The following ZNF304 variants were observed in gnomAD, a reference collection of about 807,000 sequenced individuals.
ZNF304 encodes zinc finger protein 304.
In ZNF304, 7 loss-of-function variants were observed where a neutral mutation model predicts 7.8. The observed-to-expected ratio is 0.90, with a 90% CI of 0.51 to 1.69. The LOEUF (loss-of-function observed/expected upper bound fraction) is 1.69, where lower values mean the gene tolerates loss of function less well. Among genes scored for constraint, ZNF304 ranks in the 40% most tolerant of loss-of-function variants. The pLI is 0.00. For synonymous variants in ZNF304, 280 were observed against 272.4 expected, an observed-to-expected ratio of 1.03 and a Z score of -0.27; for missense variants, 669 against 804.8, an observed-to-expected ratio of 0.83 and a Z score of 2.04.
intron 2 of ZNF304, chr19:57,355,525 G>A (rs2088324349): frequency 1.6e-6 from 1 of 621,440 alleles, no homozygotes; most frequent in Non-Finnish European, 2.9e-6. Flanking sequence ...CCTCATTCTT[G>A]GCACTTTTTC....
At chr19:57,354,408 C>T (rs1244832774) in intron 2 of ZNF304, among the ~76,000 whole-genome samples, 1 of 152,214 alleles carries the variant, frequency 6.6e-6, no homozygotes. Context: ...CTTACAAGCT[C>T]ACTCACATTG....
intron 2 of ZNF304, 90 bp from the exon 3 acceptor site, chr19:57,355,940 C>T (rs150788879): frequency 2.1e-6 from 3 of 1,409,786 alleles, no homozygotes; most frequent in Non-Finnish European, 2.9e-6. Context: ...AGCCAGTGGA[C>T]TCGCACTGGT....
At chr19:57,353,910 C>A in intron 2 of ZNF304, 59 bp downstream of exon 2, 1 of 1,306,164 alleles carries the variant, frequency 7.7e-7, no homozygotes, top group Non-Finnish European at 1.0e-6. Context: ...AGCTTAGTAA[C>A]TGCAAACAAT....
chr19:57,356,089 G>A lies in ZNF304; in HGVS notation c.220G>A (p.Val74Met). 1 of 1,614,226 alleles carries A rather than the reference G, an allele frequency of 6.2e-7. No individual in the cohort carries two copies. Among genetic ancestry groups the A allele is most frequent in the East Asian group, 2.2e-5 (1 of 44,890 alleles). ...TGAGCAGAGCGTTTCTGTAGAAGGA[G>A]TGTCACAGGTCAGGACTGCTGAGTC... ...PSEQSVSVEG[V>M]SQVRTAESGL... is the part of the protein sequence containing the mutation. The change falls in exon 3 of 3, where the codon GTG (valine) becomes ATG (methionine). Residue 74 changes from valine (V) to methionine (M), a missense_variant. Transcript: ENST00000282286.
Position 57,356,519 on chromosome 19 carries a change from A to C in ZNF304, c.650A>C (p.Tyr217Ser). 1 of 1,614,216 alleles carries C rather than the reference A, an allele frequency of 6.2e-7. No homozygotes were observed. Among genetic ancestry groups the C allele is most frequent in the South Asian group, 1.1e-5 (1 of 91,086 alleles). ...SSSLRQHQGDYDGQMLFSCGD... is the reference protein window; with the variant it reads ...SSSLRQHQGDSDGQMLFSCGD... Reference sequence around the variant, plus strand: ...AGTCTCAGGCAACACCAAGGAGACTATGATGGACAGATGCTTTTCAGTTGC... The same window carrying C: ...AGTCTCAGGCAACACCAAGGAGACTCTGATGGACAGATGCTTTTCAGTTGC... The change falls in exon 3 of 3, where the codon TAT becomes TCT. Residue 217 changes from tyrosine (Y) to serine (S), a missense_variant. By Grantham distance (144) the Tyr-to-Ser change is moderately radical (BLOSUM62 -2). Coordinates refer to ENST00000282286, the MANE Select transcript of ZNF304 (RefSeq NM_020657.4).
In ZNF304 at chr19:57,356,724, A is replaced by G. The variant is rs2088346978; in HGVS notation, c.855A>G (p.Gly285=). 1 of 1,614,250 alleles carries G rather than the reference A, an allele frequency of 6.2e-7. No homozygotes were observed. The highest frequency in any genetic ancestry group is 1.1e-5 in the South Asian group (1 of 91,086). ...GEISHVCKEC[G]KAFIHLHHLK... ...TATCTCATGTGTGTAAGGAGTGTGG[A>G]AAAGCCTTCATTCACTTGCACCACC... is the stretch of plus-strand genomic sequence containing the variant. Residue 285 remains glycine (G), a synonymous_variant, in exon 3 of 3, where the codon GGA becomes GGG. Coordinates refer to ENST00000282286, the MANE Select transcript of ZNF304 (RefSeq NM_020657.4).
At chr19:57,352,624 CAG>C (rs1445096955) in intron 1 of ZNF304, 1 of 152,214 alleles carries the variant, frequency 6.6e-6, no homozygotes, top group Non-Finnish European at 1.5e-5. Context: ...TGATCTGACT[CAG>C]ATTTTAACAT....
chr19:57,353,700 G>T (rs2088302169), intron 1 of ZNF304, 25 bp from the exon 2 acceptor site: 2 of 1,587,554 alleles, frequency 1.3e-6, no homozygotes, highest in South Asian at 2.3e-5. Context: ...GCTGACTGTG[G>T]ACTCAGCTGT....
chr19:57,355,931 G>A, intron 2 of ZNF304, 99 bp from the exon 3 acceptor site: 1 of 1,345,956 alleles, frequency 7.4e-7, no homozygotes, highest in Non-Finnish European at 1.0e-6. Context: ...CTGCCAACAA[G>A]CCAGTGGACT....
intron 2 of ZNF304, 117 bp from the exon 3 acceptor site, chr19:57,355,913 C>G: frequency 8.3e-7 from 1 of 1,199,500 alleles, no homozygotes; most frequent in Non-Finnish European, 1.2e-6. Context: ...GATCCTGGCC[C>G]TCTTGTCCTG....
In ZNF304 at chr19:57,357,657, T is replaced by C. The variant is rs1393516990; in HGVS notation, c.1788T>C (p.Phe596=). ...AGTGCAGTGAATGTGGGAAATTCTT[T>C]AGCCGCAACTCTGGCCTCATTCTGC... ...PYECSECGKF[F]SRNSGLILHQ... is the part of the protein sequence containing the mutation. Residue 596 remains phenylalanine (F), a synonymous_variant, in exon 3 of 3, where the codon TTT becomes TTC. Coordinates refer to ENST00000282286, the MANE Select transcript of ZNF304 (RefSeq NM_020657.4). The C allele has an allele frequency of 2.5e-6, 4 of 1,614,044 alleles. No individual in the cohort carries two copies. Among genetic ancestry groups the C allele is most frequent in the South Asian group, 2.2e-5 (2 of 91,084 alleles).
rs148429268 is a variant in ZNF304, at chr19:57,356,909, G to C, written c.1040G>C (p.Ser347Thr). Residue 347 changes from serine (S) to threonine (T), a missense_variant, in exon 3 of 3, where the codon AGC becomes ACC. Physicochemically the swap from Ser to Thr is moderately conservative, Grantham distance 58. Coordinates refer to ENST00000282286, the MANE Select transcript of ZNF304 (RefSeq NM_020657.4). Reference protein sequence around the residue: ...CSECGKAYSRSSHLVQHQRIH... With the variant: ...CSECGKAYSRTSHLVQHQRIH... ...GAATGTGGAAAAGCCTACAGCAGAA[G>C]CTCCCACCTTGTTCAGCACCAGAGA... 6.2e-7 allele frequency: 1 copy of C among 1,614,066 alleles called. No individual in the cohort carries two copies. The highest frequency in any genetic ancestry group is 8.5e-7 in the Non-Finnish European group (1 of 1,180,004).
rs1054166128 is a variant in ZNF304, at chr19:57,357,906, G to A, written c.*57G>A. On this transcript the variant is annotated 3_prime_UTR_variant, in exon 3 of 3. Coordinates refer to ENST00000282286, the MANE Select transcript of ZNF304 (RefSeq NM_020657.4). ...ATGAATGCAGAAAATATGTCATCTT[G>A]TTCATCCTCATAGGACTCACACCAG... The A allele has an allele frequency of 3.9e-6, 6 of 1,537,362 alleles. No individual in the cohort carries two copies. The highest frequency in any genetic ancestry group is 1.8e-4 in the Middle Eastern group (1 of 5,692).
intron 2 of ZNF304, chr19:57,355,456 G>T: frequency 1.4e-6 from 1 of 709,206 alleles, no homozygotes; most frequent in African/African-American, 1.7e-5. Context: ...AACTTGTTTT[G>T]TGTTTGTCAG....
chr19:57,354,933 T>G (rs1168019582), intron 2 of ZNF304, among the ~76,000 whole-genome samples: 2 of 152,194 alleles, frequency 1.3e-5, no homozygotes, highest in Non-Finnish European at 2.9e-5. Context: ...CACTGGGTAA[T>G]CTGAACATCT....
At position 57,353,847 on chromosome 19, in the gene ZNF304, A is replaced by G. The variant is rs754076793; in HGVS notation, c.156A>G (p.Thr52=). The G allele has an allele frequency of 7.5e-6, 12 of 1,599,896 alleles. No homozygotes were observed. The highest frequency in any genetic ancestry group is 1.7e-4 in the Middle Eastern group (1 of 5,990). Residue 52 remains threonine (T), a synonymous_variant, in exon 2 of 3, where the codon ACA becomes ACG. Transcript: ENST00000282286. ...VMLENFALVA[T]LGFWCEAEHE... ...TGGAGAACTTTGCACTTGTGGCTAC[A>G]CTAGGTAAGTCTGTGTTTTAGTTAT...
intron 2 of ZNF304, 53 bp from the exon 3 acceptor site, chr19:57,355,977 G>A (rs2088329950): frequency 1.9e-6 from 3 of 1,552,182 alleles, no homozygotes; most frequent in Admixed American, 1.9e-5. Context: ...TGATGGGGCT[G>A]CTGCCTCCCA....
Position 57,357,137 on chromosome 19 carries a change from A to G in ZNF304, c.1268A>G (p.Glu423Gly), listed in dbSNP as rs779395749. 1.2e-6 allele frequency: 2 copies of G among 1,614,224 alleles called. No homozygotes were observed. The highest frequency in any genetic ancestry group is 2.2e-5 in the East Asian group (1 of 44,894). Residue 423 changes from glutamate to glycine, a missense_variant, in exon 3 of 3, where the codon GAA becomes GGA. Glu to Gly is a moderately conservative substitution (Grantham distance 98). Coordinates refer to ENST00000282286, the MANE Select transcript of ZNF304 (RefSeq NM_020657.4). ...HTGARPYECIECGKFFSHNSS... is the reference protein window; with the variant it reads ...HTGARPYECIGCGKFFSHNSS... ...GGGGCAAGGCCCTATGAATGCATAG[A>G]ATGTGGAAAATTCTTTAGCCATAAC...
rs908292562 is a variant in ZNF304, at chr19:57,351,997, C to T, written c.33+300C>T. 1.8e-5 allele frequency: 7 copies of T among 396,432 alleles called. No individual in the cohort carries two copies. The highest frequency in any genetic ancestry group is 2.7e-5 in the Non-Finnish European group (6 of 220,194). The allele number at this position is 396,432 out of a possible 1,614,324, so 24.6% of individuals were successfully genotyped here. A position where few individuals can be genotyped will look rare whatever the true frequency, so the allele number is the denominator to read the frequency against. On this transcript the variant is annotated intron_variant, in intron 1 of 2. Transcript: ENST00000282286. The surrounding 1 kb of genome is among the most constrained non-coding windows in gnomAD (Gnocchi z 4.1). ...CCGCCCGAGGAGCTGGTCCTCTCTT[C>T]TGAGGGTGCTGGGAGTCATGCAAGG... is the stretch of plus-strand genomic sequence containing the variant.
Sources: allele counts gnomAD v4.1 joint callset (sites outside exome capture counted in the v4.1 genomes callset), GRCh38; gene constraint gnomAD v4.1.1; non-coding constraint Gnocchi (gnomAD v3.1); transcripts MANE v1.5; gene names NCBI Gene and HGNC (gene_info 2026-07-23, HGNC 2026-07-21).